Variants in CEP83 observed in about 807,000 individuals in gnomAD.
CEP83 encodes the protein centrosomal protein 83, also known as centrosomal protein of 83 kDa.
Under a neutral mutation model 101.9 loss-of-function variants are expected in CEP83, and 70 were observed. The observed-to-expected ratio is 0.69, with a 90% CI of 0.57 to 0.84. The LOEUF (loss-of-function observed/expected upper bound fraction) is 0.84. Ranked by LOEUF, CEP83 falls within the 40% of genes least tolerant of loss-of-function variation. The pLI, the probability that CEP83 is intolerant of heterozygous loss-of-function variation, is 0.00. For missense variants in CEP83, 715 were observed against 787.2 expected, an observed-to-expected ratio of 0.91 and a Z score of 1.10; for synonymous variants, 264 against 267.9, an observed-to-expected ratio of 0.99 and a Z score of 0.14.
chr12:94,412,462 T>C lies in CEP83; in HGVS notation c.29A>G (p.Asp10Gly). Residue 10 changes from aspartate to glycine, a missense_variant, in exon 3 of 17, where the codon GAC (aspartate) becomes GGC (glycine). Asp to Gly is a moderately conservative substitution (Grantham distance 94). Transcript: ENST00000397809. ...AGGAGGAAAATTATTGGGAAAAGTG[T>C]CCATATCGGTAAATGTGCTGACAAC... MVVSTFTDM[D>G]TFPNNFPPGG... The C allele has an allele frequency of 6.2e-7, 1 of 1,612,600 alleles. No individual in the cohort carries two copies.
intron 11 of CEP83, among the ~76,000 whole-genome samples, chr12:94,340,016 G>T (rs1334216514): frequency 6.6e-6 from 1 of 152,152 alleles, no homozygotes; most frequent in Admixed American, 6.5e-5. Context: ...AGTCTAAGTA[G>T]AAAGGTGGAT....
intron 2 of CEP83, among the ~76,000 whole-genome samples, chr12:94,416,997 A>C (rs1006786666): frequency 6.6e-6 from 1 of 152,102 alleles, no homozygotes; most frequent in Admixed American, 6.5e-5. Context: ...AAAAAAACTA[A>C]GGTGTCAACA....
chr12:94,351,014 CAAGTA>C (rs896734331), intron 11 of CEP83, among the ~76,000 whole-genome samples: 9 of 151,942 alleles, frequency 5.9e-5, no homozygotes, highest in Admixed American at 1.3e-4. Flanking sequence ...CCCAAAATAA[CAAGTA>C]AATAACTGCA....
At chr12:94,372,831 C>T (rs187612553) in intron 8 of CEP83, among the ~76,000 whole-genome samples, 148 of 152,334 alleles carry the variant, frequency 9.7e-4, no homozygotes, top group African/African-American at 3.3e-3. Context: ...GTCCTCTCTG[C>T]ATTCAAATGT....
At chr12:94,316,801 C>G (rs558925232) in intron 14 of CEP83, among the ~76,000 whole-genome samples, 12 of 151,994 alleles carry the variant, frequency 7.9e-5, no homozygotes, top group Non-Finnish European at 1.0e-4. Flanking sequence ...GTATATATAC[C>G]GCATTTTCTT....
intron 14 of CEP83, among the ~76,000 whole-genome samples, chr12:94,329,412 A>G (rs1186381675): frequency 6.6e-6 from 1 of 152,116 alleles, no homozygotes; most frequent in African/African-American, 2.4e-5. Context: ...GACTACAAGC[A>G]TGTGCCACCA....
At chr12:94,422,727 T>C (rs950705933) in intron 2 of CEP83, among the ~76,000 whole-genome samples, 6 of 152,250 alleles carry the variant, frequency 3.9e-5, no homozygotes, top group Admixed American at 2.0e-4. Context: ...CTCATGTATT[T>C]GCCTTGTTTC....
At chr12:94,425,849 G>A (rs1444022621) in intron 2 of CEP83, among the ~76,000 whole-genome samples, 1 of 152,128 alleles carries the variant, frequency 6.6e-6, no homozygotes, top group Non-Finnish European at 1.5e-5. Flanking sequence ...AGGCCAGTGC[G>A]GTGGCTCACG....
intron 12 of CEP83, 133 bp downstream of exon 12, chr12:94,335,456 A>C: frequency 3.2e-6 from 2 of 627,004 alleles, no homozygotes; most frequent in Non-Finnish European, 5.7e-6. Context: ...TTTACATATC[A>C]CCTCCAACAA....
intron 2 of CEP83, chr12:94,424,054 G>T (rs2064995566): frequency 1.2e-6 from 2 of 1,611,828 alleles, no homozygotes; most frequent in African/African-American, 2.7e-5. Flanking sequence ...GGTGCATCCA[G>T]GATGGGTTAG....
the CEP83 span, chr12:94,297,530 C>CT: frequency 2.7e-6 from 2 of 742,510 alleles, no homozygotes; most frequent in African/African-American, 3.5e-5. Flanking sequence ...CTTGTGCCTT[C>CT]TAGCAAAGCA....
intron 14 of CEP83, among the ~76,000 whole-genome samples, chr12:94,314,607 A>G (rs542883700): frequency 6.6e-6 from 1 of 152,314 alleles, no homozygotes; most frequent in African/African-American, 2.4e-5. Context: ...TTCACTCAGT[A>G]CACCGTTAAG....
intron 6 of CEP83, among the ~76,000 whole-genome samples, chr12:94,392,864 T>C (rs1444117535): frequency 5.9e-5 from 9 of 152,246 alleles, no homozygotes; most frequent in African/African-American, 1.9e-4. Context: ...GCAAATAAAC[T>C]GCAAAATCTA....
chr12:94,289,561 A>G, the CEP83 span, among the ~76,000 whole-genome samples: 1 of 152,150 alleles, frequency 6.6e-6, no homozygotes, highest in Admixed American at 6.5e-5. Flanking sequence ...TCACAGGACT[A>G]GGGGACGATT....
intron 11 of CEP83, among the ~76,000 whole-genome samples, chr12:94,344,687 T>C (rs570179041): frequency 2.6e-5 from 4 of 152,230 alleles, no homozygotes; most frequent in Admixed American, 6.5e-5. Context: ...CCTAAATAAA[T>C]GGAGAGATGT....
intron 14 of CEP83, among the ~76,000 whole-genome samples, chr12:94,324,413 G>A (rs748635156): frequency 1.6e-4 from 24 of 152,244 alleles, no homozygotes; most frequent in Non-Finnish European, 2.5e-4. Context: ...TAGCATAATA[G>A]TTTTTATACT....
the CEP83 span, among the ~76,000 whole-genome samples, chr12:94,296,667 C>G: frequency 6.6e-6 from 1 of 152,342 alleles, no homozygotes; most frequent in Admixed American, 6.5e-5. Context: ...GACTCTATCT[C>G]TTCATTAGAT....
chr12:94,301,672 A>G (rs1968479658), downstream of CEP83, among the ~76,000 whole-genome samples: 1 of 152,238 alleles, frequency 6.6e-6, no homozygotes, highest in African/African-American at 2.4e-5. Flanking sequence ...GGATCTTTGA[A>G]CACTGAGGAG....
At chr12:94,421,079 C>T (rs2064705375) in intron 2 of CEP83, among the ~76,000 whole-genome samples, 1 of 152,012 alleles carries the variant, frequency 6.6e-6, no homozygotes, top group South Asian at 2.1e-4. Flanking sequence ...CTCATTCTGT[C>T]ATCCACGCTG....
Sources: allele counts gnomAD v4.1 joint callset (sites outside exome capture counted in the v4.1 genomes callset), GRCh38; gene constraint gnomAD v4.1.1; transcripts MANE v1.5; gene names NCBI Gene and HGNC (gene_info 2026-07-23, HGNC 2026-07-21).